The following CTNNA3 variants were observed in gnomAD, a reference collection of about 807,000 sequenced individuals.
The protein encoded by CTNNA3 is catenin alpha 3.
In CTNNA3, 76 loss-of-function variants were observed where a neutral mutation model predicts 95.7. That is an observed-to-expected ratio of 0.79 (90% CI 0.66 to 0.96). CTNNA3 has a LOEUF of 0.96. Among genes scored for constraint, CTNNA3 ranks in the 40% least tolerant of loss-of-function variants. The pLI is 0.00. For synonymous variants in CTNNA3, 431 were observed against 374.4 expected, an observed-to-expected ratio of 1.15 and a Z score of -1.74; for missense variants, 1,191 against 1,089.8, an observed-to-expected ratio of 1.09 and a Z score of -1.31.
intron 5 of CTNNA3, among the ~76,000 whole-genome samples, chr10:67,366,637 G>A (rs753499312): frequency 4.6e-5 from 7 of 150,816 alleles, no homozygotes; most frequent in African/African-American, 1.5e-4. Flanking sequence ...GCAAAACTTC[G>A]TCCAAAGGAA....
rs542736717 is a variant in CTNNA3, at chr10:66,591,969, C to G, written c.1374+29723G>C. On this transcript the variant is annotated intron_variant, in intron 10 of 17. Transcript: ENST00000433211. ...TTTTAGCAAGTTTTATTTGACCTCT[C>G]CCATGAATTGCAGTCAAGCAAATTT... Among the ~76,000 whole-genome samples the G allele has an allele frequency of 1.7e-3, 252 of 152,100 alleles. 2 individuals are homozygous for G. Among genetic ancestry groups the G allele is most frequent in the Non-Finnish European group, 1.6e-3 (108 of 67,960 alleles).
At chr10:65,990,571 G>C (rs569815946) in intron 15 of CTNNA3, among the ~76,000 whole-genome samples, 1 of 150,840 alleles carries the variant, frequency 6.6e-6, no homozygotes, top group Non-Finnish European at 1.5e-5. Context: ...TTTTTGATGG[G>C]ATTATTATTA....
intron 12 of CTNNA3, among the ~76,000 whole-genome samples, chr10:66,361,057 A>C (rs1282729288): frequency 6.6e-6 from 1 of 151,344 alleles, no homozygotes; most frequent in East Asian, 2.0e-4. Flanking sequence ...CCTGGGCTCA[A>C]GTGATCCTCC....
intron 7 of CTNNA3, among the ~76,000 whole-genome samples, chr10:67,133,328 T>TATATATATATATATATATATATAC (rs145659453): frequency 1.8e-4 from 19 of 105,328 alleles, no homozygotes; most frequent in East Asian, 5.3e-4. Context: ...TATATATTTA[T>TATATATATATATATATATATATAC]ACACACACAC....
At chr10:67,674,798 A>T (rs1203829342) in intron 1 of CTNNA3, among the ~76,000 whole-genome samples, 1 of 150,542 alleles carries the variant, frequency 6.6e-6, no homozygotes, top group Non-Finnish European at 1.5e-5. Context: ...TTGCCTGTTC[A>T]TTTCCTTACT....
chr10:66,910,460 C>A (rs917560669), intron 7 of CTNNA3, among the ~76,000 whole-genome samples: 2 of 152,128 alleles, frequency 1.3e-5, no homozygotes, highest in African/African-American at 4.8e-5. Context: ...ATCACCTTTT[C>A]CTAGAATAGC....
At chr10:67,465,664 G>T (rs947808481) in intron 5 of CTNNA3, among the ~76,000 whole-genome samples, 1 of 152,094 alleles carries the variant, frequency 6.6e-6, no homozygotes, top group East Asian at 1.9e-4. Context: ...TCACATGGAG[G>T]TCAACTCAGC....
At chr10:66,545,107 T>C (rs1233837903) in intron 10 of CTNNA3, among the ~76,000 whole-genome samples, 1 of 152,094 alleles carries the variant, frequency 6.6e-6, no homozygotes, top group Non-Finnish European at 1.5e-5. Context: ...TATCTTCTTT[T>C]AAGCTTTCAT....
chr10:65,945,148 GT>G (rs2077496516), intron 17 of CTNNA3, among the ~76,000 whole-genome samples: 1 of 144,104 alleles, frequency 6.9e-6, no homozygotes, highest in African/African-American at 2.8e-5. Flanking sequence ...ATAAATGTGT[GT>G]GTGTGTGTGT....
chr10:66,223,961 C>A (rs993371379), intron 13 of CTNNA3, among the ~76,000 whole-genome samples: 2 of 152,040 alleles, frequency 1.3e-5, no homozygotes, highest in African/African-American at 4.8e-5. Context: ...TTTTGGGAGG[C>A]TGAGATGGGA....
chr10:66,729,373 T>C (rs758298889), intron 9 of CTNNA3, among the ~76,000 whole-genome samples: 3 of 152,254 alleles, frequency 2.0e-5, no homozygotes, highest in Non-Finnish European at 2.9e-5. Flanking sequence ...AGTTCAACAA[T>C]TGCGGAAGAC....
At chr10:66,357,982 G>A (rs556371652) in intron 12 of CTNNA3, among the ~76,000 whole-genome samples, 51 of 152,258 alleles carry the variant, frequency 3.3e-4, no homozygotes, top group African/African-American at 1.0e-3. Context: ...TTAAAGGTAC[G>A]TGTCCTTCAA....
intron 11 of CTNNA3, among the ~76,000 whole-genome samples, chr10:66,453,909 A>T (rs1222232716): frequency 1.3e-5 from 2 of 152,188 alleles, no homozygotes; most frequent in East Asian, 3.8e-4. Flanking sequence ...AGGACCTGTG[A>T]ATATGTTACC....
intron 1 of CTNNA3, among the ~76,000 whole-genome samples, chr10:67,754,501 CCTAT>C (rs1209655251): frequency 1.8e-4 from 28 of 152,046 alleles, no homozygotes; most frequent in African/African-American, 6.5e-4. Context: ...AAACTAGACC[CCTAT>C]CTCTCACCAT....
chr10:66,934,373 T>TATC (rs1158838127), intron 7 of CTNNA3, among the ~76,000 whole-genome samples: 1 of 152,096 alleles, frequency 6.6e-6, no homozygotes, highest in Non-Finnish European at 1.5e-5. Flanking sequence ...GTAATTCCTA[T>TATC]ATCACCAAAA....
chr10:67,233,148 G>A (rs1449336767), intron 5 of CTNNA3, among the ~76,000 whole-genome samples: 13 of 147,452 alleles, frequency 8.8e-5, no homozygotes, highest in Admixed American at 7.5e-4. Context: ...ACTCAGCTCC[G>A]CACCAAGCGG....
At chr10:66,031,827 A>G (rs1393274819) in intron 15 of CTNNA3, among the ~76,000 whole-genome samples, 1 of 152,202 alleles carries the variant, frequency 6.6e-6, no homozygotes, top group African/African-American at 2.4e-5. Flanking sequence ...TAAAAATGGC[A>G]AGACAGCTAC....
intron 5 of CTNNA3, among the ~76,000 whole-genome samples, chr10:67,479,083 G>A (rs1295295086): frequency 6.6e-6 from 1 of 152,106 alleles, no homozygotes; most frequent in Admixed American, 6.6e-5. Context: ...AGACTCAACA[G>A]TAGAGCACCT....
intron 11 of CTNNA3, among the ~76,000 whole-genome samples, chr10:66,441,196 T>C (rs1378843447): frequency 1.3e-5 from 2 of 148,536 alleles, no homozygotes; most frequent in African/African-American, 2.5e-5. Context: ...TTAAAATAAT[T>C]TTAAAAAATC....
Sources: allele counts gnomAD v4.1 joint callset (sites outside exome capture counted in the v4.1 genomes callset), GRCh38; gene constraint gnomAD v4.1.1; transcripts MANE v1.5; gene names NCBI Gene and HGNC (gene_info 2026-07-23, HGNC 2026-07-21).